Variants in MCCC1 observed in about 807,000 individuals in gnomAD.
MCCC1 encodes the protein methylcrotonyl-CoA carboxylase subunit 1, also known as methylcrotonoyl-CoA carboxylase subunit alpha, mitochondrial.
A neutral mutation model predicts 83.8 loss-of-function variants in MCCC1; 64 were observed. The ratio of observed to expected loss-of-function variants is 0.76; its 90% confidence interval spans 0.62 to 0.94. MCCC1 has a LOEUF of 0.94. Ranked by LOEUF, MCCC1 falls within the 40% of genes least tolerant of loss-of-function variation. MCCC1 has a pLI of 0.00. For missense variants in MCCC1, 807 were observed against 904.7 expected (o/e 0.89, Z 1.39); for synonymous variants, 322 against 315.4 (o/e 1.02, Z -0.22).
chr3:183,082,701 A>G (rs900257317), intron 4 of MCCC1, among the ~76,000 whole-genome samples: 4 of 152,196 alleles, frequency 2.6e-5, no homozygotes, highest in Non-Finnish European at 4.4e-5. Flanking sequence ...GAGTGTGGCC[A>G]GGGCGGTGGC....
chr3:183,016,474 G>A (rs1341540277), intron 18 of MCCC1, among the ~76,000 whole-genome samples: 1 of 150,528 alleles, frequency 6.6e-6, no homozygotes, highest in Admixed American at 6.6e-5. Flanking sequence ...CAAATGATCC[G>A]CCTGCCTCTG....
rs1715484354 is a variant in MCCC1, at chr3:183,057,188, GCAA to G, written c.873+120_873+122del. 12 of 793,572 alleles carry G rather than the reference GCAA, an allele frequency of 1.5e-5. No individual in the cohort carries two copies. In the Admixed American group the frequency reaches 2.2e-4, roughly 15 times the overall value. 49.2% of individuals were successfully genotyped at this position (793,572 alleles called of 1,614,324 possible). On this transcript the variant is annotated intron_variant, in intron 8 of 18. Transcript: ENST00000265594. ...GGTCTTTTCACTACACTGCTATTAG[GCAA>G]CAGTTGTCCAGCAGGAGTTTGAGGG...
intron 1 of MCCC1, among the ~76,000 whole-genome samples, chr3:183,112,542 G>T (rs779087793): frequency 3.3e-5 from 5 of 152,194 alleles, no homozygotes; most frequent in Non-Finnish European, 5.9e-5. Context: ...CATTACAAGA[G>T]TGGGTAGAAT....
At chr3:183,057,816 G>A (rs1353920109) in intron 7 of MCCC1, among the ~76,000 whole-genome samples, 1 of 152,194 alleles carries the variant, frequency 6.6e-6, no homozygotes, top group African/African-American at 2.4e-5. Context: ...TGGTTGCAGT[G>A]AGCTGAGATT....
At chr3:183,017,756 T>A (rs1346143732) in intron 17 of MCCC1, 1 of 214,160 alleles carries the variant, frequency 4.7e-6, no homozygotes, top group Non-Finnish European at 9.4e-6. Flanking sequence ...CCAAATGTAC[T>A]GGTCAAATCA....
chr3:183,057,380 A>G lies in MCCC1; in HGVS notation c.804T>C (p.Ala268=), dbSNP rs749588088. 6.2e-7 allele frequency: 1 copy of G among 1,610,590 alleles called. No homozygotes were observed. The highest frequency in any genetic ancestry group is 1.1e-5 in the South Asian group (1 of 90,258). The change falls in exon 8 of 19, where the codon GCT becomes GCC. Residue 268 remains alanine, a synonymous_variant. Coordinates refer to ENST00000265594, the MANE Select transcript of MCCC1 (RefSeq NM_020166.5). Reference sequence around the variant, plus strand: ...TACAGTCTCTTTCAAACAAGTACACAGCATTGCCATGGTGATCACCAAACA... The same window carrying G: ...TACAGTCTCTTTCAAACAAGTACACGGCATTGCCATGGTGATCACCAAACA... The part of the protein sequence containing the change: ...VQVFGDHHGN[A]VYLFERDCSV...
intron 15 of MCCC1, among the ~76,000 whole-genome samples, chr3:183,023,976 C>T (rs547156667): frequency 1.3e-5 from 2 of 152,276 alleles, no homozygotes; most frequent in East Asian, 1.9e-4. Flanking sequence ...GAAGGCCAGG[C>T]GTGGTGGCTC....
rs1196384675 is a variant in MCCC1 at position 183,071,210 on chromosome 3, T to C, written c.639A>G (p.Lys213=). The C allele has an allele frequency of 1.2e-6, 2 of 1,614,170 alleles. No individual in the cohort carries two copies. Among genetic ancestry groups the C allele is most frequent in the Non-Finnish European group, 1.7e-6 (2 of 1,179,992 alleles). Residue 213 remains lysine, a splice_region_variant and synonymous_variant, in exon 6 of 19, where the codon AAA becomes AAG. Transcript: ENST00000265594. ...CAAACACAAGCATGCACAATCTTAC[T>C]TTTCCTCCTCCACCCCGGACGGCTT... ...MIKAVRGGGG[K]GMRIVRSEQE... is the part of the protein sequence containing the mutation.
upstream of MCCC1, among the ~76,000 whole-genome samples, chr3:183,101,083 G>A (rs1218531453): frequency 6.6e-6 from 1 of 152,220 alleles, no homozygotes; most frequent in African/African-American, 2.4e-5. Flanking sequence ...CAGCAGTGCT[G>A]GCCCACCGGC....
At chr3:183,065,557 G>GT (rs1245226843) in intron 7 of MCCC1, among the ~76,000 whole-genome samples, 16 of 151,418 alleles carry the variant, frequency 1.1e-4, no homozygotes, top group East Asian at 5.8e-4. Context: ...AGTGAAATGC[G>GT]TTTTTTTTGT....
At chr3:183,060,625 G>A (rs938573153) in intron 7 of MCCC1, among the ~76,000 whole-genome samples, 2 of 151,360 alleles carry the variant, frequency 1.3e-5, no homozygotes, top group Non-Finnish European at 2.9e-5. Flanking sequence ...TGCACAACGT[G>A]CAGGTTTGTT....
chr3:183,064,686 C>G lies in MCCC1; in HGVS notation c.761+6313G>C, dbSNP rs1243386424. 6.6e-6 allele frequency among the ~76,000 whole-genome samples: 1 copy of G among 152,252 alleles called. No individual in the cohort carries two copies. Among genetic ancestry groups the G allele is most frequent in the Non-Finnish European group, 1.5e-5 (1 of 68,040 alleles). ...CACACTGCCTCGGCCGACCCACGTC[C>G]TGGCATGGCTGCTGGGCCCACGGCA... On this transcript the variant is annotated intron_variant, in intron 7 of 18. Coordinates refer to ENST00000265594, the MANE Select transcript of MCCC1 (RefSeq NM_020166.5). The surrounding 1 kb of genome is among the most constrained non-coding windows in gnomAD (Gnocchi z 4.5).
upstream of MCCC1, among the ~76,000 whole-genome samples, chr3:183,103,972 C>T (rs1299255570): frequency 6.6e-6 from 1 of 152,184 alleles, no homozygotes; most frequent in Non-Finnish European, 1.5e-5. Flanking sequence ...GTACACCCTC[C>T]GCAGCCGCTG....
At chr3:183,091,840 C>T (rs1258233448) in intron 3 of MCCC1, among the ~76,000 whole-genome samples, 1 of 152,052 alleles carries the variant, frequency 6.6e-6, no homozygotes, top group Non-Finnish European at 1.5e-5. Flanking sequence ...AGATTGAGAC[C>T]ATCCTGGCTA....
intron 7 of MCCC1, 147 bp from the exon 8 acceptor site, chr3:183,057,569 A>T: frequency 1.4e-6 from 1 of 732,660 alleles, no homozygotes; most frequent in Non-Finnish European, 2.3e-6. Context: ...CTCAAATTAG[A>T]GGTTATGGAC....
chr3:183,092,668 T>C, intron 2 of MCCC1, 123 bp from the exon 3 acceptor site: 1 of 1,271,002 alleles, frequency 7.9e-7, no homozygotes, highest in Non-Finnish European at 1.1e-6. Flanking sequence ...TTGGTAAAAC[T>C]AGCATAACTG....
chr3:183,074,274 G>C (rs1482028164), intron 4 of MCCC1, among the ~76,000 whole-genome samples: 1 of 152,162 alleles, frequency 6.6e-6, no homozygotes, highest in African/African-American at 2.4e-5. Flanking sequence ...TACTTACTGG[G>C]ATTTTAGCCC....
intron 16 of MCCC1, among the ~76,000 whole-genome samples, chr3:183,021,669 C>T (rs189530874): frequency 4.3e-4 from 65 of 152,276 alleles, no homozygotes; most frequent in Non-Finnish European, 7.9e-4. Flanking sequence ...GAGTTTTTCA[C>T]CATTCCATTA....
chr3:183,078,309 C>T (rs952817510), intron 4 of MCCC1, among the ~76,000 whole-genome samples: 1 of 152,224 alleles, frequency 6.6e-6, no homozygotes, highest in Admixed American at 6.5e-5. Context: ...GTGTGAGCCA[C>T]TGCACCTGGC....
Sources: allele counts gnomAD v4.1 joint callset (sites outside exome capture counted in the v4.1 genomes callset), GRCh38; gene constraint gnomAD v4.1.1; non-coding constraint Gnocchi (gnomAD v3.1); transcripts MANE v1.5; gene names NCBI Gene and HGNC (gene_info 2026-07-23, HGNC 2026-07-21).